Variants in RALGPS1 observed in about 807,000 individuals in gnomAD.
RALGPS1 encodes the protein Ral GEF with PH domain and SH3 binding motif 1.
RALGPS1 carries 19 observed loss-of-function variants against 78.8 expected under a neutral mutation model. The observed-to-expected ratio is 0.24, with a 90% confidence interval of 0.17 to 0.35. RALGPS1 has a LOEUF of 0.35. RALGPS1 is among the 10% of genes least tolerant of loss of function. The probability of loss-of-function intolerance (pLI) is 1.00; values close to 1 mark genes in which losing one functional copy is unlikely to be tolerated. For synonymous variants in RALGPS1, 228 were observed against 256.3 expected, an observed-to-expected ratio of 0.89 and a Z score of 1.06; for missense variants, 454 against 688.3, an observed-to-expected ratio of 0.66 and a Z score of 3.81.
At chr9:126,991,517 C>T (rs1189306002) in intron 4 of RALGPS1, among the ~76,000 whole-genome samples, 1 of 152,116 alleles carries the variant, frequency 6.6e-6, no homozygotes, top group Non-Finnish European at 1.5e-5. Context: ...GACTTGGTGC[C>T]TGGTTGGGAT....
intron 1 of RALGPS1, among the ~76,000 whole-genome samples, chr9:126,956,594 G>T (rs2038366011): frequency 6.6e-6 from 1 of 152,058 alleles, no homozygotes; most frequent in Admixed American, 6.5e-5. Context: ...TGGGCCACAG[G>T]GGGAAGATGG....
intron 7 of RALGPS1, among the ~76,000 whole-genome samples, chr9:127,064,866 T>G (rs1459263376): frequency 6.7e-6 from 1 of 148,818 alleles, no homozygotes; most frequent in Non-Finnish European, 1.5e-5. Flanking sequence ...TCCCTGGATT[T>G]ATTTATTTTT....
At chr9:127,007,499 A>C (rs1037273302) in intron 4 of RALGPS1, among the ~76,000 whole-genome samples, 5 of 152,220 alleles carry the variant, frequency 3.3e-5, no homozygotes, top group Non-Finnish European at 7.3e-5. Flanking sequence ...GTGCCGTAGA[A>C]GTACATAGAA....
chr9:127,080,886 G>A (rs976391720), intron 8 of RALGPS1, among the ~76,000 whole-genome samples: 1 of 152,220 alleles, frequency 6.6e-6, no homozygotes, highest in African/African-American at 2.4e-5. Flanking sequence ...TAAGTATAAT[G>A]CAGATATTCC....
At chr9:127,092,452 T>G (rs557632271) in intron 8 of RALGPS1, among the ~76,000 whole-genome samples, 85 of 151,592 alleles carry the variant, frequency 5.6e-4, no homozygotes, top group African/African-American at 2.0e-3. Context: ...TTGTGGTTAT[T>G]GTTTTTTTTT....
intron 4 of RALGPS1, among the ~76,000 whole-genome samples, chr9:127,013,916 T>C (rs1200383488): frequency 6.6e-6 from 1 of 152,202 alleles, no homozygotes; most frequent in Non-Finnish European, 1.5e-5. Context: ...CAGTCCTTCT[T>C]ATACACTGAT....
Position 127,188,891 on chromosome 9 carries a change from T to C in RALGPS1, c.911-6200T>C, listed in dbSNP as rs374044188. On this transcript the variant is annotated intron_variant, in intron 11 of 18. Coordinates refer to ENST00000259351, the MANE Select transcript of RALGPS1 (RefSeq NM_014636.3). ...GGCGTACGCCTATAATCCCAGCTGC[T>C]TGGGAGGTTAAGGCATGAGAATCAC... Among the ~76,000 whole-genome samples, 107 of 142,242 alleles carry C rather than the reference T, an allele frequency of 7.5e-4. 1 individual carries two copies. The highest frequency in any genetic ancestry group is 2.7e-3 in the African/African-American group (105 of 38,774). 93.3% of individuals were successfully genotyped at this position (142,242 alleles called of 152,430 possible).
chr9:127,072,206 C>A (rs896588809), intron 8 of RALGPS1, among the ~76,000 whole-genome samples: 1 of 152,094 alleles, frequency 6.6e-6, no homozygotes, highest in Non-Finnish European at 1.5e-5. Context: ...CGATGCACCA[C>A]GTTTAATTTA....
At chr9:127,194,907 T>C (rs1447525333) in intron 11 of RALGPS1, among the ~76,000 whole-genome samples, 184 bp from the exon 12 acceptor site, 10 of 151,764 alleles carry the variant, frequency 6.6e-5, no homozygotes, top group African/African-American at 2.4e-4. Context: ...ATATGGAGAG[T>C]GAAGGATCAA....
intron 8 of RALGPS1, among the ~76,000 whole-genome samples, chr9:127,090,773 C>T (rs541644303): frequency 3.9e-5 from 6 of 152,274 alleles, no homozygotes; most frequent in Admixed American, 2.6e-4. Flanking sequence ...CAGCATCGGC[C>T]GTCAGGTGGT....
chr9:126,931,792 T>G (rs1271952032), intron 1 of RALGPS1, among the ~76,000 whole-genome samples: 2 of 152,132 alleles, frequency 1.3e-5, no homozygotes, highest in Admixed American at 6.5e-5. Context: ...TATCTGAATT[T>G]AAAAAAATAA....
At chr9:126,998,618 C>T (rs934770214) in intron 4 of RALGPS1, among the ~76,000 whole-genome samples, 1 of 152,150 alleles carries the variant, frequency 6.6e-6, no homozygotes, top group Admixed American at 6.5e-5. Context: ...GGCAATTCCT[C>T]AGGGATCTGG....
intron 8 of RALGPS1, among the ~76,000 whole-genome samples, chr9:127,144,170 G>A (rs2057958474): frequency 6.6e-6 from 1 of 152,192 alleles, no homozygotes; most frequent in African/African-American, 2.4e-5. Flanking sequence ...AAATGGAGCT[G>A]CTTCCCTGGC....
intron 8 of RALGPS1, among the ~76,000 whole-genome samples, chr9:127,138,465 T>C (rs897954928): frequency 7.2e-5 from 11 of 152,166 alleles, no homozygotes; most frequent in African/African-American, 2.4e-4. Context: ...GCAAATGGGC[T>C]TCACTAACCA....
At chr9:127,032,925 C>T (rs1013626609) in intron 4 of RALGPS1, among the ~76,000 whole-genome samples, 4 of 152,236 alleles carry the variant, frequency 2.6e-5, no homozygotes, top group Middle Eastern at 3.4e-3. Flanking sequence ...CTTAAAGAGA[C>T]TCATCTCTGC....
chr9:127,083,221 G>T (rs777441728), intron 8 of RALGPS1, among the ~76,000 whole-genome samples: 1 of 152,202 alleles, frequency 6.6e-6, no homozygotes, highest in African/African-American at 2.4e-5. Flanking sequence ...GGCACTGCAC[G>T]CCAGCAGCAG....
chr9:127,049,975 C>G, intron 5 of RALGPS1, 68 bp from the exon 6 acceptor site: 1 of 1,149,120 alleles, frequency 8.7e-7, no homozygotes, highest in Non-Finnish European at 1.3e-6. Flanking sequence ...AAGGGGGACA[C>G]GGGTGGTCCA....
At chr9:127,168,018 C>A (rs1037801464) in intron 9 of RALGPS1, among the ~76,000 whole-genome samples, 1 of 152,228 alleles carries the variant, frequency 6.6e-6, no homozygotes, top group Non-Finnish European at 1.5e-5. Context: ...TGCAGGTTGC[C>A]ACAGTTTCTT....
intron 8 of RALGPS1, chr9:127,108,218 G>C (rs748996232): frequency 2.5e-6 from 4 of 1,614,122 alleles, no homozygotes; most frequent in Non-Finnish European, 3.4e-6. Flanking sequence ...TTGCTGGCCA[G>C]CTGCAGCATG....
Sources: gnomAD v4.1 joint callset for allele counts (sites outside exome capture counted in the v4.1 genomes callset) on GRCh38, gnomAD v4.1.1 for gene constraint, MANE v1.5 for transcripts, NCBI Gene and HGNC (gene_info 2026-07-23, HGNC 2026-07-21) for gene names.